The following ZNF233 variants were observed in gnomAD, a reference collection of about 807,000 sequenced individuals.
ZNF233 encodes the protein zinc finger protein 233.
A neutral mutation model predicts 11.6 loss-of-function variants in ZNF233; 7 were observed. The ratio of observed to expected loss-of-function variants is 0.60; its 90% CI spans 0.34 to 1.13. ZNF233 has a LOEUF of 1.13. ZNF233 is among the 50% of genes most tolerant of loss of function. The probability of loss-of-function intolerance (pLI) is 0.03; values close to 1 mark genes in which losing one functional copy is unlikely to be tolerated. For missense variants in ZNF233, 711 were observed against 785.5 expected, an observed-to-expected ratio of 0.91 and a Z score of 1.13; for synonymous variants, 226 against 268.5, an observed-to-expected ratio of 0.84 and a Z score of 1.55.
intron 3 of ZNF233, 140 bp downstream of exon 3, chr19:44,266,464 T>A: frequency 8.6e-7 from 1 of 1,163,442 alleles, no homozygotes; most frequent in Non-Finnish European, 1.1e-6. Flanking sequence ...ACATCTTGTC[T>A]ATACCTTGTC....
rs182029530 is a variant in ZNF233, at chr19:44,268,534, C to T, written c.238+1573C>T. 1.9e-3 allele frequency among the ~76,000 whole-genome samples: 288 copies of T among 152,234 alleles called. 5 individuals carry two copies. Among genetic ancestry groups the T allele is most frequent in the Middle Eastern group, 0.014 (4 of 294 alleles). On this transcript the variant is annotated intron_variant, in intron 4 of 4. Transcript: ENST00000683810. ...CTTATTGCCTTTAATAGGCTTGGCA[C>T]GTAATACCTGTTCATTTAATATTTG...
At chr19:44,264,028 C>A (rs921418147) in intron 1 of ZNF233, among the ~76,000 whole-genome samples, 2 of 152,212 alleles carry the variant, frequency 1.3e-5, no homozygotes, top group Non-Finnish European at 2.9e-5. Flanking sequence ...GACCTTGTGA[C>A]CCCAGAATCC....
chr19:44,262,231 G>C (rs1174527188), intron 1 of ZNF233, among the ~76,000 whole-genome samples: 1 of 152,226 alleles, frequency 6.6e-6, no homozygotes, highest in Non-Finnish European at 1.5e-5. Flanking sequence ...AGGCAAAACA[G>C]ATGCTTGATT....
chr19:44,272,501 G>A (rs903844151), intron 4 of ZNF233, among the ~76,000 whole-genome samples: 4 of 151,994 alleles, frequency 2.6e-5, no homozygotes, highest in Admixed American at 1.3e-4. Flanking sequence ...TTGGGAGGCC[G>A]AGGCGGGCGG....
At chr19:44,264,267 C>A in intron 1 of ZNF233, 47 bp from the exon 2 acceptor site, 1 of 1,285,896 alleles carries the variant, frequency 7.8e-7, no homozygotes, top group Non-Finnish European at 1.1e-6. Context: ...CCAGCACAGC[C>A]ATGTGGGCTA....
chr19:44,272,290 GGC>G (rs934799250), intron 4 of ZNF233, among the ~76,000 whole-genome samples: 1 of 147,996 alleles, frequency 6.8e-6, no homozygotes, highest in Non-Finnish European at 1.5e-5. Context: ...ACAAAATCCT[GGC>G]TATATGTGAG....
chr19:44,273,607 A>G lies in ZNF233; in HGVS notation c.947A>G (p.Asn316Ser), dbSNP rs186317674. 1.6e-5 allele frequency: 26 copies of G among 1,614,178 alleles called. No individual in the cohort carries two copies. In the African/African-American group the frequency reaches 2.9e-4, roughly 18 times the overall value. Residue 316 changes from asparagine (N) to serine (S), a missense_variant, in exon 5 of 5, where the codon AAT (asparagine) becomes AGT (serine). Transcript: ENST00000683810. ...CFHIGEKCYRNGDSGEGFSQG... is the reference protein window; with the variant it reads ...CFHIGEKCYRSGDSGEGFSQG... The stretch of plus-strand genomic sequence containing the variant: ...CACATAGGAGAGAAATGCTATAGGA[A>G]TGGTGACAGTGGTGAGGGCTTCAGT...
intron 1 of ZNF233, among the ~76,000 whole-genome samples, chr19:44,263,053 C>T (rs1200474887): frequency 6.6e-6 from 1 of 152,164 alleles, no homozygotes; most frequent in Non-Finnish European, 1.5e-5. Context: ...TAATCCTCAG[C>T]TTCCTCATCC....
At chr19:44,263,639 A>T (rs1204361625) in intron 1 of ZNF233, among the ~76,000 whole-genome samples, 1 of 152,240 alleles carries the variant, frequency 6.6e-6, no homozygotes, top group East Asian at 1.9e-4. Context: ...CTGAATGCTG[A>T]TATCAATTAA....
chr19:44,264,983 C>G (rs368689834), intron 2 of ZNF233, among the ~76,000 whole-genome samples: 6 of 152,198 alleles, frequency 3.9e-5, no homozygotes, highest in African/African-American at 1.4e-4. Flanking sequence ...GTGGTCAGGT[C>G]AATAACAGTT....
At chr19:44,266,785 C>A in intron 3 of ZNF233, 81 bp from the exon 4 acceptor site, 3 of 973,396 alleles carry the variant, frequency 3.1e-6, no homozygotes, top group Non-Finnish European at 4.8e-6. Context: ...CTACTTAGAG[C>A]GCATGAAAAT....
In ZNF233 at chr19:44,274,599, C is replaced by G. The variant is rs775095585; in HGVS notation, c.1939C>G (p.Pro647Ala). ...TCAGAGAGTCCATACTGGAGAGAAA[C>G]CATACAAATGTTTTGTGTGTGGTAA... ...AHQRVHTGEK[P>A]YKCFVCGKGF... The change falls in exon 5 of 5, where the codon CCA becomes GCA. Residue 647 changes from proline to alanine, a missense_variant. Transcript: ENST00000683810. The G allele has an allele frequency of 6.2e-7, 1 of 1,613,334 alleles. No homozygotes were observed. Among genetic ancestry groups the G allele is most frequent in the East Asian group, 2.2e-5 (1 of 44,854 alleles).
intron 3 of ZNF233, 91 bp from the exon 4 acceptor site, chr19:44,266,775 C>G: frequency 1.2e-6 from 1 of 855,380 alleles, no homozygotes; most frequent in Non-Finnish European, 1.8e-6. Context: ...TTGAAAAATA[C>G]TACTTAGAGC....
chr19:44,261,581 A>C (rs1974937470), intron 1 of ZNF233, among the ~76,000 whole-genome samples: 1 of 152,122 alleles, frequency 6.6e-6, no homozygotes, highest in African/African-American at 2.4e-5. Context: ...CTGCTATTAA[A>C]ATAAATAAAT....
Position 44,273,590 on chromosome 19 carries a change from A to G in ZNF233, c.930A>G (p.Gly310=). ...CCAGGCATCAGTGTTTCCACATAGG[A>G]GAGAAATGCTATAGGAATGGTGACA... ...GLPRHQCFHI[G]EKCYRNGDSG... Residue 310 remains glycine (G), a synonymous_variant, in exon 5 of 5, where the codon GGA becomes GGG. Transcript: ENST00000683810. 6.2e-7 allele frequency: 1 copy of G among 1,614,180 alleles called. No individual in the cohort carries two copies. Among genetic ancestry groups the G allele is most frequent in the Non-Finnish European group, 8.5e-7 (1 of 1,180,026 alleles).
At position 44,260,138 on chromosome 19, in the gene ZNF233, C is replaced by T. The variant is rs190756513; in HGVS notation, c.-48+200C>T. 9 of 245,964 alleles carry T rather than the reference C, an allele frequency of 3.7e-5. No homozygotes were observed. The East Asian group carries it at 1.4e-3, about 37-fold the overall frequency. 15.2% of individuals were successfully genotyped at this position (245,964 alleles called of 1,614,324 possible). ...GGTCGCACGTTTGGTTTGAAGGTCTCCCGGGCGCTCAAGTTCCCTCGCCTT... is the reference window on the plus strand; with the variant it reads ...GGTCGCACGTTTGGTTTGAAGGTCTTCCGGGCGCTCAAGTTCCCTCGCCTT... On this transcript the variant is annotated intron_variant, in intron 1 of 4. Coordinates refer to ENST00000683810, the MANE Select transcript of ZNF233 (RefSeq NM_001207005.2).
intron 1 of ZNF233, 46 bp from the exon 2 acceptor site, chr19:44,264,268 A>G (rs954201575): frequency 3.8e-6 from 5 of 1,312,058 alleles, no homozygotes; most frequent in Non-Finnish European, 5.5e-6. Context: ...CAGCACAGCC[A>G]TGTGGGCTAG....
chr19:44,266,863 C>T lies in ZNF233; in HGVS notation c.143-3C>T. 6.2e-7 allele frequency: 1 copy of T among 1,606,472 alleles called. No individual in the cohort carries two copies. Among genetic ancestry groups the T allele is most frequent in the Non-Finnish European group, 8.5e-7 (1 of 1,176,928 alleles). ...TTATATATATGCCATTTCTTTTTCA[C>T]AGGCTATCAACCCTTCAAACTAGAT... On this transcript the variant is annotated splice_region_variant and splice_polypyrimidine_tract_variant and intron_variant, in intron 3 of 4. Coordinates refer to ENST00000683810, the MANE Select transcript of ZNF233 (RefSeq NM_001207005.2).
chr19:44,273,166 T>TA lies in ZNF233; in HGVS notation c.512dup (p.Asn171LysfsTer27). On this transcript the variant is annotated frameshift_variant, in exon 5 of 5. Transcript: ENST00000683810. LOFTEE classifies it low-confidence loss of function (END_TRUNC). ...CTACAAGGGGAGAGTTCAAATAGCA[T>TA]AAAAAATCAAGAGCTTCCATTGAGG... 1 of 1,613,782 alleles carries TA rather than the reference T, an allele frequency of 6.2e-7. No homozygotes were observed. The highest frequency in any genetic ancestry group is 1.3e-5 in the African/African-American group (1 of 74,992).
Sources: allele counts gnomAD v4.1 joint callset (sites outside exome capture counted in the v4.1 genomes callset), GRCh38; gene constraint gnomAD v4.1.1; transcripts MANE v1.5; gene names NCBI Gene and HGNC (gene_info 2026-07-23, HGNC 2026-07-21).